The following ATE1 variants were observed in gnomAD, a reference collection of about 807,000 sequenced individuals.
ATE1 encodes arginyl-tRNA--protein transferase 1.
In ATE1, 36 loss-of-function variants were observed where a neutral mutation model predicts 70.5. The observed-to-expected ratio is 0.51, with a 90% CI of 0.39 to 0.67. The LOEUF (loss-of-function observed/expected upper bound fraction) is 0.67. Ranked by LOEUF, ATE1 falls within the 30% of genes least tolerant of loss-of-function variation. The probability of loss-of-function intolerance (pLI) is 0.00; values close to 1 mark genes in which losing one functional copy is unlikely to be tolerated. For missense variants in ATE1, 593 were observed against 629.5 expected (o/e 0.94, Z 0.62); for synonymous variants, 232 against 219.3 (o/e 1.06, Z -0.51).
rs113241921 is a variant in ATE1 at position 121,906,582 on chromosome 10, C to CA, written c.584-3963dup. On this transcript the variant is annotated intron_variant, in intron 5 of 11. Coordinates refer to ENST00000224652, the MANE Select transcript of ATE1 (RefSeq NM_001001976.3). ...AATGCAGGTTTGCTTTTGCAGGTTC[C>CA]AAAAAAAAAAAAATCCAAGGTTTTT... Among the ~76,000 whole-genome samples, 472 of 146,078 alleles carry CA rather than the reference C, an allele frequency of 3.2e-3. 5 individuals are homozygous for CA. The highest frequency in any genetic ancestry group is 9.8e-3 in the African/African-American group (384 of 39,284).
chr10:121,885,032 A>C (rs1950338325), intron 7 of ATE1, among the ~76,000 whole-genome samples: 1 of 151,962 alleles, frequency 6.6e-6, no homozygotes, highest in Non-Finnish European at 1.5e-5. Context: ...AGGCCAAGGC[A>C]GGTGGATCAC....
At chr10:121,907,909 T>C (rs1431699354) in intron 5 of ATE1, among the ~76,000 whole-genome samples, 1 of 151,988 alleles carries the variant, frequency 6.6e-6, no homozygotes, top group Admixed American at 6.6e-5. Flanking sequence ...GCACTCCTAA[T>C]CTAGTGTGTG....
At chr10:121,887,474 T>C (rs1464556618) in intron 7 of ATE1, among the ~76,000 whole-genome samples, 4 of 152,182 alleles carry the variant, frequency 2.6e-5, no homozygotes, top group African/African-American at 9.6e-5. Flanking sequence ...CTTTAGCAGG[T>C]TGAGGCAGGA....
intron 11 of ATE1, among the ~76,000 whole-genome samples, chr10:121,744,404 A>G (rs1944263351): frequency 6.6e-6 from 1 of 152,204 alleles, no homozygotes; most frequent in East Asian, 1.9e-4. Flanking sequence ...TGACAGCTGA[A>G]ACACCAAGCA....
intron 3 of ATE1, among the ~76,000 whole-genome samples, chr10:121,917,784 T>C (rs1020337710): frequency 5.0e-4 from 76 of 152,288 alleles, no homozygotes; most frequent in African/African-American, 1.8e-3. Flanking sequence ...GGGGGATTGC[T>C]TTTTCCAAAA....
At chr10:121,901,645 G>A (rs547051417) in intron 6 of ATE1, among the ~76,000 whole-genome samples, 456 of 152,086 alleles carry the variant, frequency 3.0e-3, no homozygotes, top group Non-Finnish European at 5.1e-3. Context: ...TAGTAGAGAC[G>A]GGGTTTCACT....
chr10:121,851,090 CAAAAAAAAAAAAAAAAAAA>C (rs10603053), intron 8 of ATE1, among the ~76,000 whole-genome samples: 13 of 43,218 alleles, frequency 3.0e-4, no homozygotes, highest in Middle Eastern at 0.029. Flanking sequence ...GACTCCATCT[CAAAAAAAAAAAAAAAAAAA>C]AAAAAAAAAA....
chr10:121,812,317 A>C (rs918572251), intron 10 of ATE1, among the ~76,000 whole-genome samples: 1 of 152,158 alleles, frequency 6.6e-6, no homozygotes, highest in Non-Finnish European at 1.5e-5. Flanking sequence ...GAGGCACACA[A>C]ATACCACACA....
At chr10:121,806,171 T>C (rs1217378235) in intron 10 of ATE1, among the ~76,000 whole-genome samples, 2 of 152,158 alleles carry the variant, frequency 1.3e-5, no homozygotes, top group African/African-American at 4.8e-5. Flanking sequence ...CCATAGCAGG[T>C]TGGACGCAGT....
At chr10:121,757,014 T>C (rs375156499) in intron 11 of ATE1, among the ~76,000 whole-genome samples, 25 of 152,238 alleles carry the variant, frequency 1.6e-4, no homozygotes, top group African/African-American at 6.0e-4. Context: ...CAAACTTTTA[T>C]GCTCTGCTTC....
At chr10:121,882,453 C>T (rs1385376470) in intron 7 of ATE1, among the ~76,000 whole-genome samples, 1 of 152,122 alleles carries the variant, frequency 6.6e-6, no homozygotes, top group African/African-American at 2.4e-5. Context: ...AGCACCTTTA[C>T]AAGTATAGCC....
chr10:121,767,300 G>A (rs1201496371), intron 11 of ATE1, among the ~76,000 whole-genome samples: 1 of 152,120 alleles, frequency 6.6e-6, no homozygotes, highest in East Asian at 1.9e-4. Flanking sequence ...TTAAAGGTGA[G>A]AGACTGAATG....
intron 10 of ATE1, among the ~76,000 whole-genome samples, chr10:121,836,079 G>A (rs1948421612): frequency 6.6e-6 from 1 of 152,012 alleles, no homozygotes; most frequent in African/African-American, 2.4e-5. Context: ...ATCAGCACTT[G>A]CCCTTCCAAA....
chr10:121,894,621 C>T (rs577747283), intron 7 of ATE1, among the ~76,000 whole-genome samples: 2 of 151,946 alleles, frequency 1.3e-5, no homozygotes, highest in East Asian at 1.9e-4. Flanking sequence ...CAAAGGGTGC[C>T]GGGTGTGGGA....
intron 11 of ATE1, among the ~76,000 whole-genome samples, chr10:121,763,609 G>A (rs1945148045): frequency 6.6e-6 from 1 of 152,166 alleles, no homozygotes; most frequent in South Asian, 2.1e-4. Flanking sequence ...GCGGGAGGGA[G>A]GGATGAACAG....
chr10:121,851,045 C>T (rs769224745), intron 8 of ATE1, among the ~76,000 whole-genome samples: 4 of 125,732 alleles, frequency 3.2e-5, no homozygotes, highest in Non-Finnish European at 6.3e-5. Context: ...GAGCCAAGGT[C>T]GCACCACTGC....
chr10:121,883,770 C>A (rs1197652938), intron 7 of ATE1, among the ~76,000 whole-genome samples: 1 of 152,112 alleles, frequency 6.6e-6, no homozygotes, highest in African/African-American at 2.4e-5. Context: ...TACTGAGGCC[C>A]ACTTTAACTT....
At chr10:121,745,506 G>A (rs951095828) in intron 11 of ATE1, among the ~76,000 whole-genome samples, 1 of 152,002 alleles carries the variant, frequency 6.6e-6, no homozygotes, top group South Asian at 2.1e-4. Context: ...CACGAGGTCA[G>A]GAGATCGACA....
chr10:121,812,062 C>T (rs1299122284), intron 10 of ATE1, among the ~76,000 whole-genome samples: 1 of 149,852 alleles, frequency 6.7e-6, no homozygotes, highest in African/African-American at 2.5e-5. Flanking sequence ...CTCAAGTGAT[C>T]CTCCTGCCTT....
Sources: gnomAD v4.1 joint callset for allele counts (sites outside exome capture counted in the v4.1 genomes callset) on GRCh38, gnomAD v4.1.1 for gene constraint, MANE v1.5 for transcripts, NCBI Gene and HGNC (gene_info 2026-07-23, HGNC 2026-07-21) for gene names.